The following PIEZO2 variants were observed in gnomAD, a reference collection of about 807,000 sequenced individuals.
The protein encoded by PIEZO2 is piezo type mechanosensitive ion channel component 2.
PIEZO2 carries 172 observed loss-of-function variants against 337.3 expected under a neutral mutation model. That is an observed-to-expected ratio of 0.51 (90% CI 0.45 to 0.58). The LOEUF (loss-of-function observed/expected upper bound fraction) is 0.58. PIEZO2 is among the 20% of genes least tolerant of loss of function. The pLI, the probability that PIEZO2 is intolerant of heterozygous loss-of-function variation, is 0.00. For synonymous variants in PIEZO2, 1,251 were observed against 1,228.5 expected (o/e 1.02, Z -0.38); for missense variants, 3,028 against 3,391.3 (o/e 0.89, Z 2.66).
intron 21 of PIEZO2, chr18:10,763,396 C>A: frequency 6.3e-6 from 2 of 315,184 alleles, no homozygotes. Flanking sequence ...CCAGAAGGGT[C>A]CTTGGTCCAA....
rs1438030979 is a variant in PIEZO2, at chr18:10,850,777, A to T, written c.917+4576T>A. ...TAGACATAAGAAAGATTCTGAAAAA[A>T]ATTTGGCTAAAAAGCAATAGTATTT... On this transcript the variant is annotated intron_variant, in intron 7 of 55. Transcript: ENST00000674853. This position sits in a 1 kb window ranked among gnomAD's most constrained non-coding sequence, Gnocchi z 4.5. Among the ~76,000 whole-genome samples the T allele has an allele frequency of 1.3e-5, 2 of 152,228 alleles. No homozygotes were observed. Among genetic ancestry groups the T allele is most frequent in the Non-Finnish European group, 2.9e-5 (2 of 68,042 alleles).
intron 2 of PIEZO2, among the ~76,000 whole-genome samples, chr18:11,061,446 G>T (rs1317566574): frequency 1.3e-5 from 2 of 151,208 alleles, no homozygotes; most frequent in Non-Finnish European, 2.9e-5. Context: ...TATTCAATTA[G>T]GAAAAGAGGA....
In PIEZO2 at chr18:11,135,139, C is replaced by A. The variant is rs114989614; in HGVS notation, c.64+13386G>T. The stretch of plus-strand genomic sequence containing the variant: ...AGATGGGAATATTTAGAGACTTTCA[C>A]AATAAGATTTCAAACAATTTTCAAC... On this transcript the variant is annotated intron_variant, in intron 1 of 55. Coordinates refer to ENST00000674853, the MANE Select transcript of PIEZO2 (RefSeq NM_001378183.1). 4.0e-3 allele frequency among the ~76,000 whole-genome samples: 602 copies of A among 152,102 alleles called. 3 individuals carry two copies. The highest frequency in any genetic ancestry group is 0.013 in the African/African-American group (554 of 41,504).
At chr18:10,681,432 A>T (rs1291848962) in intron 51 of PIEZO2, among the ~76,000 whole-genome samples, 2 of 152,284 alleles carry the variant, frequency 1.3e-5, no homozygotes, top group Admixed American at 6.5e-5. Context: ...AACAATTTTT[A>T]AAATGGATCA....
intron 2 of PIEZO2, among the ~76,000 whole-genome samples, chr18:11,041,498 A>C (rs1365771536): frequency 1.3e-5 from 2 of 152,190 alleles, no homozygotes; most frequent in Non-Finnish European, 2.9e-5. Flanking sequence ...TGTACTCCAC[A>C]CAGTCACTTT....
rs1452053368 is a variant in PIEZO2 at position 10,726,286 on chromosome 18, G to A, written c.5029+5121C>T. 1.4e-5 allele frequency: 13 copies of A among 928,398 alleles called. No individual in the cohort carries two copies. The Admixed American group carries it at 1.9e-4, about 13-fold the overall frequency. The allele number at this position is 928,398 out of a possible 1,614,324, so 57.5% of individuals were successfully genotyped here. The stretch of plus-strand genomic sequence containing the variant: ...TCGGGAGCATGAGAATGGAAGCGTC[G>A]CGGCCAGAGCCCCGGCCAGGTGGAG... On this transcript the variant is annotated intron_variant, in intron 36 of 55. Transcript: ENST00000674853. The surrounding 1 kb of genome is among the most constrained non-coding windows in gnomAD (Gnocchi z 5.9).
In PIEZO2 at chr18:10,954,278, A is replaced by AT. The variant is rs1568235252; in HGVS notation, c.286+25256dup. On this transcript the variant is annotated intron_variant, in intron 3 of 55. Transcript: ENST00000674853. The surrounding 1 kb of genome is among the most constrained non-coding windows in gnomAD (Gnocchi z 4.2). ...ATAGATCAGTTTAGAGAGAAAGGAC[A>AT]TTTTAACAACAGTGAGTCTTCCAAT... 4.6e-5 allele frequency among the ~76,000 whole-genome samples: 7 copies of AT among 152,194 alleles called. No individual in the cohort carries two copies. The South Asian group carries it at 1.2e-3, about 27-fold the overall frequency.
intron 29 of PIEZO2, among the ~76,000 whole-genome samples, chr18:10,749,592 G>A (rs1328908835): frequency 2.0e-5 from 3 of 152,200 alleles, no homozygotes; most frequent in Non-Finnish European, 2.9e-5. Flanking sequence ...GCAAGAGGCA[G>A]GGTGGTGGCA....
At position 10,863,910 on chromosome 18, in the gene PIEZO2, T is replaced by C. The variant is rs906782751; in HGVS notation, c.493-6699A>G. ...CCTATATCATCCACTCAGTTCACATTAGTTCCAGAGATTACTACTCATCCT... is the reference window on the plus strand; with the variant it reads ...CCTATATCATCCACTCAGTTCACATCAGTTCCAGAGATTACTACTCATCCT... On this transcript the variant is annotated intron_variant, in intron 5 of 55. Transcript: ENST00000674853. This position sits in a 1 kb window ranked among gnomAD's most constrained non-coding sequence, Gnocchi z 4.3. Among the ~76,000 whole-genome samples, 90 of 152,082 alleles carry C rather than the reference T, an allele frequency of 5.9e-4. No homozygotes were observed. The highest frequency in any genetic ancestry group is 2.1e-3 in the African/African-American group (85 of 41,434).
At chr18:11,098,894 C>T (rs1311994652) in intron 1 of PIEZO2, among the ~76,000 whole-genome samples, 1 of 152,004 alleles carries the variant, frequency 6.6e-6, no homozygotes, top group Non-Finnish European at 1.5e-5. Flanking sequence ...AACTCCTAGG[C>T]TCAAGCGATC....
intron 1 of PIEZO2, among the ~76,000 whole-genome samples, chr18:11,147,051 C>T (rs1363849216): frequency 6.6e-6 from 1 of 152,218 alleles, no homozygotes; most frequent in South Asian, 2.1e-4. Context: ...GGCACAGTGC[C>T]AAGCGCTTAG....
At position 10,903,941 on chromosome 18, in the gene PIEZO2, C is replaced by T. The variant is rs957916121; in HGVS notation, c.329+7245G>A. Among the ~76,000 whole-genome samples, 4 of 152,188 alleles carry T rather than the reference C, an allele frequency of 2.6e-5. No homozygotes were observed. Among genetic ancestry groups the T allele is most frequent in the African/African-American group, 7.2e-5 (3 of 41,444 alleles). On this transcript the variant is annotated intron_variant, in intron 4 of 55. Coordinates refer to ENST00000674853, the MANE Select transcript of PIEZO2 (RefSeq NM_001378183.1). This position sits in a 1 kb window ranked among gnomAD's most constrained non-coding sequence, Gnocchi z 4.1. Reference sequence around the variant, plus strand: ...CTCACACATTGACCTACTCCTTCTTCCACTTCTGTAATATAGATATCATTA... The same window carrying T: ...CTCACACATTGACCTACTCCTTCTTTCACTTCTGTAATATAGATATCATTA...
chr18:11,125,285 A>ATG lies in PIEZO2; in HGVS notation c.64+23238_64+23239dup, dbSNP rs928339680. Among the ~76,000 whole-genome samples, 17 of 152,218 alleles carry ATG rather than the reference A, an allele frequency of 1.1e-4. No individual in the cohort carries two copies. Among genetic ancestry groups the ATG allele is most frequent in the Admixed American group, 9.2e-4 (14 of 15,288 alleles). On this transcript the variant is annotated intron_variant, in intron 1 of 55. Coordinates refer to ENST00000674853, the MANE Select transcript of PIEZO2 (RefSeq NM_001378183.1). The surrounding 1 kb of genome is among the most constrained non-coding windows in gnomAD (Gnocchi z 4.4). ...CTGATAATTCAAAAAGTATGCGAAT[A>ATG]TGTTTTAAAAACTACGATGTGTCCG...
At position 10,809,356 on chromosome 18, in the gene PIEZO2, C is replaced by T. The variant is rs139939815; in HGVS notation, c.918-2082G>A. On this transcript the variant is annotated intron_variant, in intron 7 of 55. Transcript: ENST00000674853. ...CGCAATCTCGGCTCACTGCAACCTCCGCCTCCCGGGTTCAAGCAATTCTTC... is the reference window on the plus strand; with the variant it reads ...CGCAATCTCGGCTCACTGCAACCTCTGCCTCCCGGGTTCAAGCAATTCTTC... Among the ~76,000 whole-genome samples, 395 of 148,988 alleles carry T rather than the reference C, an allele frequency of 2.7e-3. 1 individual carries two copies. Among genetic ancestry groups the T allele is most frequent in the African/African-American group, 9.2e-3 (370 of 40,382 alleles).
rs2036576517 is a variant in PIEZO2 at position 11,027,392 on chromosome 18, G to A, written c.160+38735C>T. ...GCAGGAATTGCCTGGTCAGAGCAAA[G>A]GGGGCACGCTGAGGTGCGCTAGGAA... On this transcript the variant is annotated intron_variant, in intron 2 of 55. Transcript: ENST00000674853. The surrounding 1 kb of genome is among the most constrained non-coding windows in gnomAD (Gnocchi z 4.2). Among the ~76,000 whole-genome samples, 1 of 152,204 alleles carries A rather than the reference G, an allele frequency of 6.6e-6. No homozygotes were observed. The highest frequency in any genetic ancestry group is 2.1e-4 in the South Asian group (1 of 4,828).
rs1372936708 is a variant in PIEZO2 at position 11,070,686 on chromosome 18, A to AGAAG, written c.65-4468_65-4465dup. 3.3e-5 allele frequency among the ~76,000 whole-genome samples: 5 copies of AGAAG among 152,214 alleles called. No homozygotes were observed. Among genetic ancestry groups the AGAAG allele is most frequent in the Non-Finnish European group, 7.3e-5 (5 of 68,032 alleles). ...GGCCCTCGCAGAAGGGCTTCAGCCC[A>AGAAG]GAAGGAAGGAAGGAAGTCAACCTAT... On this transcript the variant is annotated intron_variant, in intron 1 of 55. Coordinates refer to ENST00000674853, the MANE Select transcript of PIEZO2 (RefSeq NM_001378183.1). The surrounding 1 kb of genome is among the most constrained non-coding windows in gnomAD (Gnocchi z 4.3).
rs552516146 is a variant in PIEZO2, at chr18:10,682,075, C to T, written c.7686+29G>A. 3.3e-6 allele frequency: 5 copies of T among 1,518,118 alleles called. No homozygotes were observed. In the East Asian group the frequency reaches 9.8e-5, roughly 30 times the overall value. The allele number at this position is 1,518,118 out of a possible 1,614,324, so 94.0% of individuals were successfully genotyped here. ...AAGGAATGTGGCGTGGGGCAAGGCT[C>T]TGGTAGGTGGGGTGTGCACAGAGAT... On this transcript the variant is annotated intron_variant, in intron 50 of 55. Coordinates refer to ENST00000674853, the MANE Select transcript of PIEZO2 (RefSeq NM_001378183.1). The surrounding 1 kb of genome is among the most constrained non-coding windows in gnomAD (Gnocchi z 5.6).
At chr18:10,776,363 T>C (rs2038785799) in intron 18 of PIEZO2, among the ~76,000 whole-genome samples, 1 of 152,222 alleles carries the variant, frequency 6.6e-6, no homozygotes, top group African/African-American at 2.4e-5. Context: ...CATTTTAAAA[T>C]AAGGAGCCAT....
At chr18:10,717,192 T>G (rs1311988854) in intron 37 of PIEZO2, among the ~76,000 whole-genome samples, 7 of 152,226 alleles carry the variant, frequency 4.6e-5, no homozygotes, top group Non-Finnish European at 2.9e-5. Flanking sequence ...CAAGTTAATA[T>G]ACTCCAAACT....
Sources: gnomAD v4.1 joint callset for allele counts (sites outside exome capture counted in the v4.1 genomes callset) on GRCh38, gnomAD v4.1.1 for gene constraint, Gnocchi (gnomAD v3.1) non-coding constraint, MANE v1.5 for transcripts, NCBI Gene and HGNC (gene_info 2026-07-23, HGNC 2026-07-21) for gene names.